FHAD1: variants seen among roughly 807,000 people sequenced by gnomAD.
FHAD1 encodes forkhead-associated domain-containing protein 1.
FHAD1 carries 146 observed loss-of-function variants against 191.3 expected under a neutral mutation model. The observed-to-expected ratio is 0.76, with a 90% confidence interval of 0.67 to 0.88. FHAD1 has a LOEUF of 0.88. Ranked by LOEUF, FHAD1 falls within the 40% of genes least tolerant of loss-of-function variation. The pLI, the probability that FHAD1 is intolerant of heterozygous loss-of-function variation, is 0.00. For missense variants in FHAD1, 1,635 were observed against 1,785.8 expected, an observed-to-expected ratio of 0.92 and a Z score of 1.52; for synonymous variants, 616 against 672.3, an observed-to-expected ratio of 0.92 and a Z score of 1.29.
chr1:15,248,923 C>A (rs2100723802), intron 1 of FHAD1, among the ~76,000 whole-genome samples: 1 of 150,476 alleles, frequency 6.6e-6, no homozygotes, highest in African/African-American at 2.4e-5. Context: ...TGCACTCTGC[C>A]CTGGATAGGG....
At position 15,308,656 on chromosome 1, in the gene FHAD1, C is replaced by G; in HGVS notation, c.959C>G (p.Thr320Ser). Residue 320 changes from threonine (T) to serine (S), a missense_variant, in exon 7 of 34, where the codon ACC becomes AGC. Coordinates refer to ENST00000688493, the MANE Select transcript of FHAD1 (RefSeq NM_001391957.1). ...GGCTACAGCAAGGTGCTGTGCCAGA[C>G]CCTGTCAGAGCGGAACTCAGAAATC... Reference protein sequence around the residue: ...QKGYSKVLCQTLSERNSEITS... With the variant: ...QKGYSKVLCQSLSERNSEITS... 2.6e-6 allele frequency: 4 copies of G among 1,551,730 alleles called. No individual in the cohort carries two copies. Among genetic ancestry groups the G allele is most frequent in the Non-Finnish European group, 3.5e-6 (4 of 1,147,002 alleles).
rs776770340 is a variant in FHAD1, at chr1:15,358,239, T to G, written c.2692T>G (p.Leu898Val). The change falls in exon 21 of 34, where the codon TTA becomes GTA. Residue 898 changes from leucine to valine, a missense_variant. Physicochemically the swap from Leu to Val is conservative, Grantham distance 32. Coordinates refer to ENST00000688493, the MANE Select transcript of FHAD1 (RefSeq NM_001391957.1). ...SLKAESLALK[L>V]NETLAELETT... ...AAAAGCAGAGAGCCTCGCCTTGAAATTAAATGAAACATTAGCCGAACTGGA... is the reference window on the plus strand; with the variant it reads ...AAAAGCAGAGAGCCTCGCCTTGAAAGTAAATGAAACATTAGCCGAACTGGA... 3.3e-6 allele frequency: 5 copies of G among 1,536,770 alleles called. No homozygotes were observed. The highest frequency in any genetic ancestry group is 2.6e-6 in the Non-Finnish European group (3 of 1,143,806).
Position 15,287,748 on chromosome 1 carries a change from A to G in FHAD1, c.301-1651A>G, listed in dbSNP as rs538639490. ...ACACTCCTCACTGACTCCAAGAAAG[A>G]GCCTTAGGGGGAATGCATAGGATCC... On this transcript the variant is annotated intron_variant, in intron 3 of 33. Transcript: ENST00000688493. Among the ~76,000 whole-genome samples the G allele has an allele frequency of 1.9e-4, 29 of 152,248 alleles. 1 individual carries two copies. Among genetic ancestry groups the G allele is most frequent in the African/African-American group, 7.0e-4 (29 of 41,544 alleles).
At chr1:15,368,581 G>A (rs1475638829) in intron 25 of FHAD1, among the ~76,000 whole-genome samples, 3 of 152,114 alleles carry the variant, frequency 2.0e-5, no homozygotes, top group African/African-American at 7.2e-5. Context: ...TGTGTGCCTC[G>A]TGGCCAAAGC....
chr1:15,328,315 C>T lies in FHAD1; in HGVS notation c.1596C>T (p.Ile532=). The T allele has an allele frequency of 1.3e-6, 2 of 1,532,206 alleles. No homozygotes were observed. Among genetic ancestry groups the T allele is most frequent in the South Asian group, 1.2e-5 (1 of 83,210 alleles). 94.9% of individuals were successfully genotyped at this position (1,532,206 alleles called of 1,614,324 possible). ...TTACCCAGGTCACTGAGGACAACATCAATTTTCAGCAGAAAAAGTGGACCC... is the reference window on the plus strand; with the variant it reads ...TTACCCAGGTCACTGAGGACAACATTAATTTTCAGCAGAAAAAGTGGACCC... ...EKITQVTEDN[I]NFQQKKWTLQ... Residue 532 remains isoleucine, a synonymous_variant, in exon 13 of 34, where the codon ATC becomes ATT. Coordinates refer to ENST00000688493, the MANE Select transcript of FHAD1 (RefSeq NM_001391957.1).
chr1:15,272,463 T>G lies in FHAD1; in HGVS notation c.234T>G (p.Pro78=), dbSNP rs1475642300. 6.4e-7 allele frequency: 1 copy of G among 1,551,300 alleles called. No homozygotes were observed. Among genetic ancestry groups the G allele is most frequent in the Admixed American group, 2.0e-5 (1 of 51,002 alleles). Residue 78 remains proline (P), a synonymous_variant, in exon 3 of 34, where the codon CCT becomes CCG. Coordinates refer to ENST00000688493, the MANE Select transcript of FHAD1 (RefSeq NM_001391957.1). The part of the protein sequence containing the change: ...HIQNVAVKLI[P]GDILRFGSAG... ...AAAACGTGGCTGTGAAGCTCATCCCTGGAGACATCCTGAGATTTGGGTCTG... is the reference window on the plus strand; with the variant it reads ...AAAACGTGGCTGTGAAGCTCATCCCGGGAGACATCCTGAGATTTGGGTCTG...
At chr1:15,333,095 A>G (rs1352399269) in intron 14 of FHAD1, among the ~76,000 whole-genome samples, 1 of 152,196 alleles carries the variant, frequency 6.6e-6, no homozygotes, top group Non-Finnish European at 1.5e-5. Context: ...GGAAAAAAAG[A>G]ATAGAGAATA....
At chr1:15,332,950 G>C (rs1042402020) in intron 14 of FHAD1, among the ~76,000 whole-genome samples, 10 of 152,070 alleles carry the variant, frequency 6.6e-5, no homozygotes, top group Non-Finnish European at 1.3e-4. Flanking sequence ...CCAAACTACT[G>C]GTCTCCTTTC....
intron 6 of FHAD1, among the ~76,000 whole-genome samples, chr1:15,306,315 AT>A (rs1670477902): frequency 6.6e-6 from 1 of 152,244 alleles, no homozygotes; most frequent in African/African-American, 2.4e-5. Flanking sequence ...TGTTAAAAGC[AT>A]TCCATTTTAA....
rs1574021574 is a variant in FHAD1, at chr1:15,290,702, T to A, written c.568+1036T>A. ...CAACATTTTAATATGAACTTTTTTT[T>A]TTTTTTTTGGACGGAGTCTCCCTCT... On this transcript the variant is annotated intron_variant, in intron 4 of 33. Coordinates refer to ENST00000688493, the MANE Select transcript of FHAD1 (RefSeq NM_001391957.1). Among the ~76,000 whole-genome samples, 3 of 152,070 alleles carry A rather than the reference T, an allele frequency of 2.0e-5. No homozygotes were observed. In the East Asian group the frequency reaches 5.8e-4, roughly 29 times the overall value.
chr1:15,315,256 C>A (rs1673985577), intron 8 of FHAD1: 1 of 152,084 alleles, frequency 6.6e-6, no homozygotes, highest in Non-Finnish European at 1.5e-5. Flanking sequence ...TATGTCAGTA[C>A]TTGAGTGCAT....
chr1:15,289,768 C>A lies in FHAD1; in HGVS notation c.568+102C>A, dbSNP rs1663878444. The A allele has an allele frequency of 2.1e-6, 3 of 1,405,304 alleles. No homozygotes were observed. The highest frequency in any genetic ancestry group is 2.8e-6 in the Non-Finnish European group (3 of 1,066,878). The allele number at this position is 1,405,304 out of a possible 1,614,324, so 87.1% of individuals were successfully genotyped here. ...TCTGATTCTAAAAGTAGAACATATT[C>A]AATTGTAAAAAATGAAAATAAATTC... On this transcript the variant is annotated intron_variant, in intron 4 of 33. Transcript: ENST00000688493. The surrounding 1 kb of genome is among the most constrained non-coding windows in gnomAD (Gnocchi z 4.2).
intron 2 of FHAD1, among the ~76,000 whole-genome samples, chr1:15,260,740 C>T (rs948976399): frequency 6.6e-6 from 1 of 152,236 alleles, no homozygotes; most frequent in Non-Finnish European, 1.5e-5. Context: ...CTGACCTCCC[C>T]GTCTGACTCA....
intron 6 of FHAD1, among the ~76,000 whole-genome samples, chr1:15,304,982 T>C (rs912554021): frequency 6.6e-6 from 1 of 152,170 alleles, no homozygotes; most frequent in Non-Finnish European, 1.5e-5. Flanking sequence ...CACCCTGTCA[T>C]ATCTTATGAT....
intron 25 of FHAD1, among the ~76,000 whole-genome samples, chr1:15,368,943 A>G (rs1021177783): frequency 7.1e-6 from 1 of 141,578 alleles, no homozygotes; most frequent in Non-Finnish European, 1.5e-5. Flanking sequence ...AACTCCATCT[A>G]AAAAAAAAAA....
At chr1:15,295,544 G>T (rs1256779268) in intron 4 of FHAD1, among the ~76,000 whole-genome samples, 1 of 152,138 alleles carries the variant, frequency 6.6e-6, no homozygotes, top group African/African-American at 2.4e-5. Flanking sequence ...GGAGGTCAAG[G>T]CTGCAGTGAT....
intron 3 of FHAD1, among the ~76,000 whole-genome samples, chr1:15,284,853 C>T (rs1214464055): frequency 1.3e-5 from 2 of 151,644 alleles, no homozygotes; most frequent in Non-Finnish European, 2.9e-5. Flanking sequence ...AAAGCACATG[C>T]GGCCTCAAAA....
At chr1:15,294,481 C>T (rs568664275) in intron 4 of FHAD1, among the ~76,000 whole-genome samples, 1 of 152,270 alleles carries the variant, frequency 6.6e-6, no homozygotes, top group South Asian at 2.1e-4. Context: ...GCAACCTCTA[C>T]CTCCCGGGTT....
intron 31 of FHAD1, among the ~76,000 whole-genome samples, chr1:15,387,602 T>C (rs1468595922): frequency 4.6e-5 from 7 of 151,794 alleles, no homozygotes; most frequent in Non-Finnish European, 1.0e-4. Flanking sequence ...ACAAAAAAAT[T>C]AGCTGGGTGT....
Sources: allele counts gnomAD v4.1 joint callset (sites outside exome capture counted in the v4.1 genomes callset), GRCh38; gene constraint gnomAD v4.1.1; non-coding constraint Gnocchi (gnomAD v3.1); transcripts MANE v1.5; gene names NCBI Gene and HGNC (gene_info 2026-07-23, HGNC 2026-07-21).